PHF21A: variants seen among roughly 807,000 people sequenced by gnomAD.
The protein encoded by PHF21A is PHD finger protein 21A.
A neutral mutation model predicts 82.5 loss-of-function variants in PHF21A; 11 were observed. That is an observed-to-expected ratio of 0.13 (90% CI 0.08 to 0.22). PHF21A has a LOEUF of 0.22. Among genes scored for constraint, PHF21A ranks in the 10% least tolerant of loss-of-function variants. The pLI, the probability that PHF21A is intolerant of heterozygous loss-of-function variation, is 1.00. For synonymous variants in PHF21A, 297 were observed against 302.8 expected (o/e 0.98, Z 0.20); for missense variants, 579 against 837.8 (o/e 0.69, Z 3.81).
chr11:45,962,383 G>A (rs891618999), intron 10 of PHF21A, among the ~76,000 whole-genome samples: 1 of 151,984 alleles, frequency 6.6e-6, no homozygotes, highest in Non-Finnish European at 1.5e-5. Flanking sequence ...TATGATCTAT[G>A]AGATCTCTTA....
intron 6 of PHF21A, among the ~76,000 whole-genome samples, chr11:46,054,661 A>G (rs144737441): frequency 1.1e-3 from 163 of 152,324 alleles, no homozygotes; most frequent in Non-Finnish European, 2.0e-3. Context: ...GAGAAAAATC[A>G]TTACTATTCA....
chr11:46,070,922 GA>G (rs978410718), intron 6 of PHF21A, among the ~76,000 whole-genome samples: 8 of 152,122 alleles, frequency 5.3e-5, no homozygotes, highest in African/African-American at 1.9e-4. Context: ...ATCTCATGGG[GA>G]AAATCACTTA....
At chr11:46,108,192 T>A (rs537903382) in intron 1 of PHF21A, among the ~76,000 whole-genome samples, 1 of 152,304 alleles carries the variant, frequency 6.6e-6, no homozygotes, top group South Asian at 2.1e-4. Flanking sequence ...TTTTTTTAAA[T>A]GTTATTTGAA....
At chr11:46,098,694 C>A (rs2097042245) in intron 1 of PHF21A, among the ~76,000 whole-genome samples, 1 of 152,108 alleles carries the variant, frequency 6.6e-6, no homozygotes. Flanking sequence ...AATCAGTTAA[C>A]CTCAGGACTA....
At chr11:45,937,700 C>T (rs1422019163) in intron 16 of PHF21A, among the ~76,000 whole-genome samples, 2 of 152,142 alleles carry the variant, frequency 1.3e-5, no homozygotes, top group Non-Finnish European at 2.9e-5. Flanking sequence ...AGGCTGGTCT[C>T]GAACTCCTGA....
At position 45,933,984 on chromosome 11, in the gene PHF21A, C is replaced by T; in HGVS notation, c.2030G>A (p.Gly677Glu). 1 of 1,573,342 alleles carries T rather than the reference C, an allele frequency of 6.4e-7. No homozygotes were observed. The highest frequency in any genetic ancestry group is 1.2e-5 in the South Asian group (1 of 85,010). ...SQSCTANCNQ[G>E]EETK ...GGGGCTCTGTTATTTAGTCTCTTCC[C>T]CCTGGTTACAGTTCGCTGTGCAGCT... The change falls in exon 19 of 19, where the codon GGG becomes GAG. Residue 677 changes from glycine to glutamate, a missense_variant. Around this residue, in one of 3 missense-constraint regions of PHF21A, gnomAD observed 157 missense variants for 149.4 expected, o/e 1.05. Transcript: ENST00000676320.
intron 10 of PHF21A, among the ~76,000 whole-genome samples, chr11:45,959,050 G>T (rs890861865): frequency 1.3e-5 from 2 of 152,128 alleles, no homozygotes. Flanking sequence ...CATATTAAAA[G>T]GATGGTACAC....
chr11:45,993,071 A>C (rs1460722304), intron 6 of PHF21A, among the ~76,000 whole-genome samples: 2 of 152,234 alleles, frequency 1.3e-5, no homozygotes. Flanking sequence ...CAGAACACTG[A>C]AACTAACATC....
intron 6 of PHF21A, among the ~76,000 whole-genome samples, chr11:46,019,414 G>A (rs2095586061): frequency 6.6e-6 from 1 of 152,030 alleles, no homozygotes; most frequent in Non-Finnish European, 1.5e-5. Flanking sequence ...AAATAAGATG[G>A]GCTTTTATAA....
At chr11:45,966,746 A>T (rs553698202) in intron 9 of PHF21A, among the ~76,000 whole-genome samples, 18 of 152,152 alleles carry the variant, frequency 1.2e-4, no homozygotes, top group African/African-American at 4.3e-4. Flanking sequence ...CAGCCTCCTG[A>T]GTAGCTGGGG....
intron 1 of PHF21A, among the ~76,000 whole-genome samples, chr11:46,107,764 G>A (rs562976712): frequency 6.6e-6 from 1 of 152,186 alleles, no homozygotes; most frequent in South Asian, 2.1e-4. Context: ...GGAATCAAGA[G>A]TTCTATTTAA....
At chr11:45,936,456 G>T in intron 17 of PHF21A, 38 bp downstream of exon 17, 1 of 1,203,170 alleles carries the variant, frequency 8.3e-7, no homozygotes, top group Non-Finnish European at 1.2e-6. Flanking sequence ...TCAAACAAGG[G>T]GAAGCTTACA....
At chr11:46,100,001 T>C (rs980371544) in intron 1 of PHF21A, among the ~76,000 whole-genome samples, 1 of 152,208 alleles carries the variant, frequency 6.6e-6, no homozygotes, top group African/African-American at 2.4e-5. Context: ...TGAACATTTA[T>C]CTTTTTATCA....
intron 18 of PHF21A, 63 bp downstream of exon 18, chr11:45,935,573 T>C: frequency 1.2e-6 from 1 of 867,120 alleles, no homozygotes; most frequent in Non-Finnish European, 2.0e-6. Flanking sequence ...CTGTTACGTA[T>C]ATTGGAAAGG....
intron 1 of PHF21A, among the ~76,000 whole-genome samples, chr11:46,096,907 C>A (rs1471355999): frequency 4.6e-5 from 7 of 152,214 alleles, no homozygotes; most frequent in Non-Finnish European, 8.8e-5. Context: ...TCTCCCCTAA[C>A]TTCCTCCTCA....
intron 1 of PHF21A, among the ~76,000 whole-genome samples, chr11:46,108,212 GCT>G (rs1276427773): frequency 2.0e-5 from 3 of 152,036 alleles, no homozygotes; most frequent in Non-Finnish European, 2.9e-5. Flanking sequence ...AAACACAATT[GCT>G]CTCTTTATAA....
At chr11:45,989,720 T>C (rs865809820) in intron 6 of PHF21A, among the ~76,000 whole-genome samples, 23 of 151,086 alleles carry the variant, frequency 1.5e-4, no homozygotes, top group African/African-American at 5.1e-4. Context: ...AAAATTTAGC[T>C]GGGCACAGTG....
intron 9 of PHF21A, among the ~76,000 whole-genome samples, chr11:45,968,218 T>C (rs944815213): frequency 2.7e-4 from 41 of 152,228 alleles, no homozygotes; most frequent in African/African-American, 8.9e-4. Context: ...CCCCAATTTA[T>C]TCTCTGCACA....
intron 7 of PHF21A, among the ~76,000 whole-genome samples, chr11:45,978,010 A>G (rs2094118972): frequency 6.6e-6 from 1 of 152,136 alleles, no homozygotes; most frequent in African/African-American, 2.4e-5. Context: ...TCTAAAAAAC[A>G]GAGATGGTGG....
Sources: gnomAD v4.1 joint callset for allele counts (sites outside exome capture counted in the v4.1 genomes callset) on GRCh38, gnomAD v4.1.1 for gene constraint, gnomAD v4.1.1 regional missense constraint, MANE v1.5 for transcripts, NCBI Gene and HGNC (gene_info 2026-07-23, HGNC 2026-07-21) for gene names.